TLE4: variants seen among roughly 807,000 people sequenced by gnomAD.
TLE4 encodes the protein transducin-like enhancer protein 4.
TLE4 carries 8 observed loss-of-function variants against 92.8 expected under a neutral mutation model. The observed-to-expected ratio is 0.09, with a 90% CI of 0.05 to 0.16. The LOEUF (loss-of-function observed/expected upper bound fraction) is 0.16. Among genes scored for constraint, TLE4 ranks in the 10% least tolerant of loss-of-function variants. TLE4 has a pLI of 1.00. For missense variants in TLE4, 675 were observed against 997.6 expected, an observed-to-expected ratio of 0.68 and a Z score of 4.36; for synonymous variants, 371 against 374.1, an observed-to-expected ratio of 0.99 and a Z score of 0.10.
intron 4 of TLE4, among the ~76,000 whole-genome samples, chr9:79,602,978 AG>A (rs2132693394): frequency 6.6e-6 from 1 of 152,232 alleles, no homozygotes; most frequent in South Asian, 2.1e-4. Flanking sequence ...ATGCCTTTGG[AG>A]GGGTTCAAGA....
intron 4 of TLE4, among the ~76,000 whole-genome samples, chr9:79,601,713 C>T (rs1335726808): frequency 2.0e-5 from 3 of 152,124 alleles, no homozygotes; most frequent in African/African-American, 7.2e-5. Flanking sequence ...CTTCCCCATT[C>T]TCTGAGACAA....
chr9:79,722,934 CT>C, intron 18 of TLE4, 24 bp from the exon 19 acceptor site: 1 of 1,611,040 alleles, frequency 6.2e-7, no homozygotes, highest in Non-Finnish European at 8.5e-7. Context: ...CAAACATTGC[CT>C]TTTTCAAAAC....
chr9:79,683,359 A>G (rs913695799), intron 8 of TLE4, among the ~76,000 whole-genome samples: 8 of 152,322 alleles, frequency 5.3e-5, no homozygotes, highest in Middle Eastern at 3.4e-3. Context: ...GTACACAGGA[A>G]GAAACTCTTA....
chr9:79,717,489 G>C (rs959282990), intron 14 of TLE4, among the ~76,000 whole-genome samples: 2 of 152,086 alleles, frequency 1.3e-5, no homozygotes, highest in Non-Finnish European at 2.9e-5. Flanking sequence ...GTAGTCTGTG[G>C]AGGAAGTAAA....
chr9:79,574,841 A>G (rs565978720), intron 2 of TLE4, 32 bp from the exon 3 acceptor site: 4 of 1,587,748 alleles, frequency 2.5e-6, no homozygotes, highest in South Asian at 2.2e-5. Context: ...AGTTAAGATC[A>G]TTGTACTTAG....
At chr9:79,603,308 A>AAAGACCCCCAGTGCTAC (rs1398488663) in intron 4 of TLE4, among the ~76,000 whole-genome samples, 1 of 152,126 alleles carries the variant, frequency 6.6e-6, no homozygotes, top group Admixed American at 6.5e-5. Flanking sequence ...TTGGGAAGGA[A>AAAGACCCCCAGTGCTAC]AAGACCCCCA....
chr9:79,691,994 A>G (rs1449300717), intron 8 of TLE4, among the ~76,000 whole-genome samples: 1 of 152,182 alleles, frequency 6.6e-6, no homozygotes, highest in Non-Finnish European at 1.5e-5. Flanking sequence ...AGGGCCCAGC[A>G]GAATGCCTGG....
chr9:79,661,020 G>C (rs1453533972), intron 8 of TLE4, among the ~76,000 whole-genome samples: 2 of 152,112 alleles, frequency 1.3e-5, no homozygotes, highest in Non-Finnish European at 2.9e-5. Context: ...TTTTCATACT[G>C]ATGTTTAGTT....
chr9:79,694,159 G>A (rs1227998740), intron 8 of TLE4, among the ~76,000 whole-genome samples: 1 of 152,164 alleles, frequency 6.6e-6, no homozygotes, highest in East Asian at 1.9e-4. Flanking sequence ...AGAAGCGAAT[G>A]GAAGGAGAAA....
At chr9:79,693,411 A>C (rs2067499497) in intron 8 of TLE4, among the ~76,000 whole-genome samples, 1 of 152,156 alleles carries the variant, frequency 6.6e-6, no homozygotes, top group South Asian at 2.1e-4. Context: ...AAATGTTGTC[A>C]GTGGCTCAAA....
At chr9:79,632,389 C>A (rs114790237) in intron 6 of TLE4, among the ~76,000 whole-genome samples, 1 of 152,168 alleles carries the variant, frequency 6.6e-6, no homozygotes, top group Non-Finnish European at 1.5e-5. Context: ...TTCCCCCTTC[C>A]GTGGTTCACT....
rs551759134 is a variant in TLE4 at position 79,594,988 on chromosome 9, CT to C, written c.253-17665del. On this transcript the variant is annotated intron_variant, in intron 4 of 19. Coordinates refer to ENST00000376552, the MANE Select transcript of TLE4 (RefSeq NM_007005.6). ...AAAATACTATTTATAGTTTGTGGTT[CT>C]TTATTTTTGTTTGCTGCAGCTCAAT... Among the ~76,000 whole-genome samples, 3 of 152,212 alleles carry C rather than the reference CT, an allele frequency of 2.0e-5. No individual in the cohort carries two copies. In the East Asian group the frequency reaches 5.8e-4, roughly 29 times the overall value.
At chr9:79,592,300 G>A (rs2042900520) in intron 4 of TLE4, among the ~76,000 whole-genome samples, 1 of 130,964 alleles carries the variant, frequency 7.6e-6, no homozygotes, top group Non-Finnish European at 1.6e-5. Context: ...TTTGGAGGCA[G>A]GGTCTCACTC....
Position 79,572,734 on chromosome 9 carries a change from C to T in TLE4, c.-57C>T, listed in dbSNP as rs1466049700. On this transcript the variant is annotated 5_prime_UTR_variant, in exon 1 of 20. Transcript: ENST00000376552. ...GCCGCGGCCGCCTCCTCTTCGGGGTCATTAAAGCCAATGAGCCGCGCGCCT... is the reference window on the plus strand; with the variant it reads ...GCCGCGGCCGCCTCCTCTTCGGGGTTATTAAAGCCAATGAGCCGCGCGCCT... 1 of 1,574,418 alleles carries T rather than the reference C, an allele frequency of 6.4e-7. No individual in the cohort carries two copies. The highest frequency in any genetic ancestry group is 2.4e-5 in the East Asian group (1 of 41,116).
intron 19 of TLE4, among the ~76,000 whole-genome samples, 161 bp downstream of exon 19, chr9:79,723,196 C>T (rs2075908199): frequency 6.6e-6 from 1 of 152,204 alleles, no homozygotes; most frequent in African/African-American, 2.4e-5. Context: ...TTAAGTGTCA[C>T]AGCAAAGCCG....
chr9:79,717,296 C>G (rs2074696649), intron 14 of TLE4, among the ~76,000 whole-genome samples: 1 of 152,158 alleles, frequency 6.6e-6, no homozygotes, highest in Non-Finnish European at 1.5e-5. Flanking sequence ...TGCAGTCTAC[C>G]TAGTCACCCA....
chr9:79,636,113 T>G (rs1023114888), intron 6 of TLE4, among the ~76,000 whole-genome samples: 1 of 152,042 alleles, frequency 6.6e-6, no homozygotes, highest in African/African-American at 2.4e-5. Flanking sequence ...CAGAGTGACC[T>G]TCTTATAAAA....
intron 5 of TLE4, among the ~76,000 whole-genome samples, chr9:79,625,899 A>G (rs2052496175): frequency 6.7e-6 from 1 of 149,274 alleles, no homozygotes; most frequent in Non-Finnish European, 1.5e-5. Flanking sequence ...ATAAATAAAT[A>G]TATATTTATA....
chr9:79,645,661 C>T (rs2057989961), intron 6 of TLE4, among the ~76,000 whole-genome samples: 1 of 152,190 alleles, frequency 6.6e-6, no homozygotes, highest in Admixed American at 6.5e-5. Flanking sequence ...GACCTATTAA[C>T]AGCATTGAGG....
Sources: allele counts gnomAD v4.1 joint callset (sites outside exome capture counted in the v4.1 genomes callset), GRCh38; gene constraint gnomAD v4.1.1; transcripts MANE v1.5; gene names NCBI Gene and HGNC (gene_info 2026-07-23, HGNC 2026-07-21).